Variants in CREB3L2 observed in about 807,000 individuals in gnomAD.
CREB3L2 encodes cAMP responsive element binding protein 3 like 2.
CREB3L2 carries 23 observed loss-of-function variants against 57.2 expected under a neutral mutation model. The observed-to-expected ratio is 0.40, with a 90% CI of 0.29 to 0.57. CREB3L2 has a LOEUF of 0.57. Among genes scored for constraint, CREB3L2 ranks in the 20% least tolerant of loss-of-function variants. The pLI, the probability that CREB3L2 is intolerant of heterozygous loss-of-function variation, is 0.42. For missense variants in CREB3L2, 628 were observed against 634.7 expected (o/e 0.99, Z 0.11); for synonymous variants, 268 against 265.1 (o/e 1.01, Z -0.11).
intron 1 of CREB3L2, among the ~76,000 whole-genome samples, chr7:137,930,138 C>T (rs1800583356): frequency 6.6e-6 from 1 of 151,956 alleles, no homozygotes. Context: ...ACCTCGTGAT[C>T]CGCCCGTCTT....
intron 2 of CREB3L2, 68 bp from the exon 3 acceptor site, chr7:137,916,080 C>A (rs1800125920): frequency 4.6e-6 from 6 of 1,310,800 alleles, no homozygotes; most frequent in Middle Eastern, 2.0e-4. Context: ...AAACAAGCGA[C>A]CACTAGTCTT....
chr7:137,953,395 C>T (rs1198709848), intron 1 of CREB3L2: 1 of 1,073,118 alleles, frequency 9.3e-7, no homozygotes, highest in African/African-American at 1.6e-5. Flanking sequence ...TCTGCACCCA[C>T]TCCAGTCTAG....
chr7:137,902,316 C>T (rs1278674781), intron 7 of CREB3L2, among the ~76,000 whole-genome samples: 1 of 152,120 alleles, frequency 6.6e-6, no homozygotes, highest in Non-Finnish European at 1.5e-5. Context: ...CTCACCTCCT[C>T]CCTAGTGTTC....
At chr7:137,897,879 C>A (rs1799660201) in intron 8 of CREB3L2, among the ~76,000 whole-genome samples, 1 of 151,974 alleles carries the variant, frequency 6.6e-6, no homozygotes, top group Non-Finnish European at 1.5e-5. Flanking sequence ...ATGTATGCAT[C>A]TTCCTTAAGT....
At chr7:137,986,046 C>A (rs536637024) in intron 1 of CREB3L2, among the ~76,000 whole-genome samples, 1 of 152,282 alleles carries the variant, frequency 6.6e-6, no homozygotes, top group African/African-American at 2.4e-5. Context: ...CCCCATCTAG[C>A]GGCCACAAAC....
intron 1 of CREB3L2, among the ~76,000 whole-genome samples, chr7:137,949,427 A>C (rs1046515145): frequency 6.6e-6 from 1 of 152,232 alleles, no homozygotes; most frequent in African/African-American, 2.4e-5. Flanking sequence ...GAGAGAGGGA[A>C]TCTAGGTTTT....
chr7:137,942,110 A>C (rs200638154), intron 1 of CREB3L2, among the ~76,000 whole-genome samples: 17 of 152,014 alleles, frequency 1.1e-4, no homozygotes, highest in Non-Finnish European at 2.1e-4. Flanking sequence ...TCCACAGTTC[A>C]CCAGCCACAC....
At chr7:137,981,572 A>G (rs1801712147) in intron 1 of CREB3L2, among the ~76,000 whole-genome samples, 1 of 152,190 alleles carries the variant, frequency 6.6e-6, no homozygotes, top group African/African-American at 2.4e-5. Context: ...AAAGTCACAG[A>G]CCAAAAATAT....
intron 6 of CREB3L2, among the ~76,000 whole-genome samples, chr7:137,904,323 G>A (rs894326772): frequency 6.6e-6 from 1 of 152,122 alleles, no homozygotes; most frequent in South Asian, 2.1e-4. Flanking sequence ...TTGAGGTCAG[G>A]AGTTCGAGAC....
At chr7:137,921,674 A>C (rs775979837) in intron 2 of CREB3L2, among the ~76,000 whole-genome samples, 8 of 152,350 alleles carry the variant, frequency 5.3e-5, no homozygotes, top group Non-Finnish European at 1.0e-4. Flanking sequence ...ATGAAAGGAA[A>C]ATAAAAATTC....
intron 1 of CREB3L2, among the ~76,000 whole-genome samples, chr7:137,989,172 C>A (rs1298522931): frequency 1.3e-5 from 2 of 152,166 alleles, no homozygotes; most frequent in Non-Finnish European, 2.9e-5. Flanking sequence ...AGTTCCTGGC[C>A]TTCTGCAGTT....
intron 1 of CREB3L2, among the ~76,000 whole-genome samples, chr7:137,959,845 T>A (rs1235252959): frequency 6.6e-6 from 1 of 152,252 alleles, no homozygotes; most frequent in Non-Finnish European, 1.5e-5. Flanking sequence ...GTAATGTAAT[T>A]ACTGGTTCAC....
rs1328902679 is a variant in CREB3L2 at position 137,980,676 on chromosome 7, T to C, written c.102+20928A>G. Among the ~76,000 whole-genome samples, 1 of 152,204 alleles carries C rather than the reference T, an allele frequency of 6.6e-6. No homozygotes were observed. The highest frequency in any genetic ancestry group is 1.5e-5 in the Non-Finnish European group (1 of 68,034). On this transcript the variant is annotated intron_variant, in intron 1 of 11. Transcript: ENST00000330387. This position sits in a 1 kb window ranked among gnomAD's most constrained non-coding sequence, Gnocchi z 4.3. The stretch of plus-strand genomic sequence containing the variant: ...AAATACATGACATGGGATTTCTCCA[T>C]ACAGGCTCCAAAGCTGCTAGAGCTA...
chr7:137,957,771 CAAG>C, intron 1 of CREB3L2: 1 of 1,288,804 alleles, frequency 7.8e-7, no homozygotes, highest in South Asian at 1.2e-5. Context: ...ACTGGCTGTA[CAAG>C]AAGAGTGGTA....
rs377765207 is a variant in CREB3L2 at position 137,915,379 on chromosome 7, C to T, written c.495+458G>A. Among the ~76,000 whole-genome samples the T allele has an allele frequency of 6.6e-5, 10 of 151,872 alleles. No individual in the cohort carries two copies. In the East Asian group the frequency reaches 7.7e-4, roughly 12 times the overall value. ...ATTCATATTATTATATGAATCAATA[C>T]GTGGGACATTCCTGACTTGAGTAAG... On this transcript the variant is annotated intron_variant, in intron 3 of 11. Transcript: ENST00000330387.
At chr7:137,915,195 T>A (rs1032710227) in intron 3 of CREB3L2, among the ~76,000 whole-genome samples, 16 of 152,066 alleles carry the variant, frequency 1.1e-4, no homozygotes, top group Non-Finnish European at 1.9e-4. Flanking sequence ...ACTGGAAATA[T>A]CCAGAAAGAA....
At chr7:137,924,898 C>T (rs1800418632) in intron 2 of CREB3L2, among the ~76,000 whole-genome samples, 1 of 152,124 alleles carries the variant, frequency 6.6e-6, no homozygotes, top group Admixed American at 6.5e-5. Flanking sequence ...CCTGTGGAAT[C>T]TTAGAACAGT....
intron 7 of CREB3L2, among the ~76,000 whole-genome samples, chr7:137,901,911 G>T (rs1799769635): frequency 6.8e-6 from 1 of 148,026 alleles, no homozygotes; most frequent in Non-Finnish European, 1.5e-5. Flanking sequence ...GAAGGAGCTG[G>T]GGCCGGGCGT....
intron 1 of CREB3L2, among the ~76,000 whole-genome samples, chr7:137,977,188 G>A (rs1475659102): frequency 6.6e-6 from 1 of 152,198 alleles, no homozygotes; most frequent in Non-Finnish European, 1.5e-5. Flanking sequence ...AGTCTGCATG[G>A]AAATGGGGTT....
Sources: allele counts gnomAD v4.1 joint callset (sites outside exome capture counted in the v4.1 genomes callset), GRCh38; gene constraint gnomAD v4.1.1; non-coding constraint Gnocchi (gnomAD v3.1); transcripts MANE v1.5; gene names NCBI Gene and HGNC (gene_info 2026-07-23, HGNC 2026-07-21).